NEK10: variants seen among roughly 807,000 people sequenced by gnomAD.
The protein encoded by NEK10 is NIMA related kinase 10.
NEK10 carries 122 observed loss-of-function variants against 159.8 expected under a neutral mutation model. That is an observed-to-expected ratio of 0.76 (90% CI 0.66 to 0.89). The LOEUF is 0.89. NEK10 is among the 40% of genes least tolerant of loss of function. The pLI is 0.00. For synonymous variants in NEK10, 466 were observed against 457.1 expected (o/e 1.02, Z -0.25); for missense variants, 1,342 against 1,323.1 (o/e 1.01, Z -0.22).
At chr3:27,337,535 C>T (rs2046898356) in intron 5 of NEK10, among the ~76,000 whole-genome samples, 1 of 152,100 alleles carries the variant, frequency 6.6e-6, no homozygotes, top group African/African-American at 2.4e-5. Context: ...CATCACACTA[C>T]CTGACTTCAA....
Position 27,174,911 on chromosome 3 carries a change from A to G in NEK10, c.2506-78T>C. On this transcript the variant is annotated intron_variant, in intron 26 of 35. Transcript: ENST00000691995. The stretch of plus-strand genomic sequence containing the variant: ...TAGGACCTAAATCTTGTTAGAACAT[A>G]TATTAACTGCTTCAAATATCAATAT... The G allele has an allele frequency of 2.6e-6, 3 of 1,171,854 alleles. No homozygotes were observed. The South Asian group carries it at 4.7e-5, about 18-fold the overall frequency. 72.6% of individuals were successfully genotyped at this position (1,171,854 alleles called of 1,614,324 possible).
Position 27,286,311 on chromosome 3 carries a change from T to C in NEK10, c.1790-1350A>G, listed in dbSNP as rs139943301. Reference sequence around the variant, plus strand: ...CCGTGTTAGCCAGGATGGTCTCGATTTCCTGACCTCGTGATCGGCCCATCT... The same window carrying C: ...CCGTGTTAGCCAGGATGGTCTCGATCTCCTGACCTCGTGATCGGCCCATCT... On this transcript the variant is annotated intron_variant, in intron 20 of 35. Transcript: ENST00000691995. Among the ~76,000 whole-genome samples the C allele has an allele frequency of 4.5e-3, 676 of 151,562 alleles. 2 individuals are homozygous for C. The highest frequency in any genetic ancestry group is 0.015 in the African/African-American group (620 of 41,324).
intron 32 of NEK10, among the ~76,000 whole-genome samples, chr3:27,122,856 G>A (rs1296077168): frequency 6.6e-6 from 1 of 152,050 alleles, no homozygotes; most frequent in Non-Finnish European, 1.5e-5. Context: ...CATCTTTCAG[G>A]GTTCATCTCA....
intron 20 of NEK10, among the ~76,000 whole-genome samples, chr3:27,286,688 C>T (rs1188874088): frequency 6.6e-6 from 1 of 151,918 alleles, no homozygotes; most frequent in Non-Finnish European, 1.5e-5. Flanking sequence ...CCGTGCCCGG[C>T]CGCCATTTCC....
intron 3 of NEK10, among the ~76,000 whole-genome samples, chr3:27,352,197 A>C (rs1274900047): frequency 6.6e-6 from 1 of 152,198 alleles, no homozygotes; most frequent in Non-Finnish European, 1.5e-5. Context: ...GTTTGTTTAC[A>C]GACCGAAGAG....
intron 26 of NEK10, among the ~76,000 whole-genome samples, chr3:27,175,897 A>G (rs560626263): frequency 6.6e-6 from 1 of 152,190 alleles, no homozygotes; most frequent in Non-Finnish European, 1.5e-5. Context: ...ATTACCTAGC[A>G]CTTCTTGACT....
intron 5 of NEK10, 93 bp downstream of exon 5, chr3:27,344,179 A>G: frequency 1.5e-6 from 1 of 656,596 alleles, no homozygotes; most frequent in Non-Finnish European, 2.7e-6. Flanking sequence ...GACATGTTCA[A>G]TCCTGTAAGA....
chr3:27,352,868 A>G lies in NEK10; in HGVS notation c.15T>C (p.Asp5=). 1.2e-6 allele frequency: 2 copies of G among 1,608,368 alleles called. No individual in the cohort carries two copies. Among genetic ancestry groups the G allele is most frequent in the Non-Finnish European group, 1.7e-6 (2 of 1,175,318 alleles). MPDQ[D]KKVKTTEKST... ...ATTTTTCTGTGGTCTTCACCTTTTT[A>G]TCTTGATCAGGCATTGTAAAACATC... The change falls in exon 2 of 36, where the codon GAT becomes GAC. Residue 5 remains aspartate (D), a synonymous_variant. Coordinates refer to ENST00000691995, the MANE Select transcript of NEK10 (RefSeq NM_001394966.1).
At chr3:27,227,053 TA>T (rs1300041392) in intron 23 of NEK10, among the ~76,000 whole-genome samples, 1 of 152,250 alleles carries the variant, frequency 6.6e-6, no homozygotes, top group African/African-American at 2.4e-5. Flanking sequence ...TTCATTCATT[TA>T]TTCATTCATT....
chr3:27,313,595 C>A (rs2044885480), intron 7 of NEK10, among the ~76,000 whole-genome samples: 1 of 152,110 alleles, frequency 6.6e-6, no homozygotes, highest in Admixed American at 6.6e-5. Context: ...CATTTTGAGA[C>A]CAGCCTAGGC....
Position 27,308,698 on chromosome 3 carries a change from T to C in NEK10, c.716+228A>G, listed in dbSNP as rs532597214. On this transcript the variant is annotated intron_variant, in intron 10 of 35. Transcript: ENST00000691995. ...CTGAGGGTTAGATGAAAAGACTAAATATTTCCAGTCAGGAAATAAAAAGAA... is the reference window on the plus strand; with the variant it reads ...CTGAGGGTTAGATGAAAAGACTAAACATTTCCAGTCAGGAAATAAAAAGAA... Among the ~76,000 whole-genome samples the C allele has an allele frequency of 3.3e-5, 5 of 152,306 alleles. No individual in the cohort carries two copies. The South Asian group carries it at 8.3e-4, about 25-fold the overall frequency.
At chr3:27,321,165 T>TAA (rs11456881) in intron 6 of NEK10, among the ~76,000 whole-genome samples, 131 of 147,340 alleles carry the variant, frequency 8.9e-4, no homozygotes, top group African/African-American at 1.8e-3. Context: ...CTTTTTCAGT[T>TAA]AAAAAAAAAA....
chr3:27,169,069 A>G (rs1946724364), intron 29 of NEK10, among the ~76,000 whole-genome samples: 2 of 152,142 alleles, frequency 1.3e-5, no homozygotes, highest in Non-Finnish European at 2.9e-5. Flanking sequence ...AAATAAGACA[A>G]TTTTCCATGG....
chr3:27,177,493 C>T (rs1011894108), intron 26 of NEK10, among the ~76,000 whole-genome samples: 1 of 151,572 alleles, frequency 6.6e-6, no homozygotes, highest in Non-Finnish European at 1.5e-5. Context: ...TGCAGTGAGC[C>T]GAGATTGTGC....
intron 26 of NEK10, among the ~76,000 whole-genome samples, chr3:27,177,734 T>C (rs536704767): frequency 3.3e-5 from 5 of 152,142 alleles, no homozygotes; most frequent in Admixed American, 1.3e-4. Flanking sequence ...CTTGAAGAAC[T>C]GGGGGCACTT....
intron 23 of NEK10, among the ~76,000 whole-genome samples, chr3:27,232,563 C>A (rs1039956315): frequency 6.6e-6 from 1 of 150,540 alleles, no homozygotes; most frequent in African/African-American, 2.4e-5. Flanking sequence ...GAAAAAAAAT[C>A]CTAAAATTCA....
intron 3 of NEK10, among the ~76,000 whole-genome samples, chr3:27,346,645 G>T (rs910058161): frequency 6.6e-6 from 1 of 152,086 alleles, no homozygotes; most frequent in African/African-American, 2.4e-5. Flanking sequence ...AGAGCTCCTG[G>T]ATCCAGGTAG....
chr3:27,253,037 G>C, intron 23 of NEK10: 2 of 388,708 alleles, frequency 5.1e-6, no homozygotes, highest in South Asian at 3.9e-5. Flanking sequence ...AATTTAAGAA[G>C]TGCAGTTAAT....
At chr3:27,121,334 G>A (rs1001961980) in intron 32 of NEK10, among the ~76,000 whole-genome samples, 2 of 152,152 alleles carry the variant, frequency 1.3e-5, no homozygotes, top group African/African-American at 4.8e-5. Flanking sequence ...AATACATAGT[G>A]TATGACTTCA....
Sources: allele counts gnomAD v4.1 joint callset (sites outside exome capture counted in the v4.1 genomes callset), GRCh38; gene constraint gnomAD v4.1.1; transcripts MANE v1.5; gene names NCBI Gene and HGNC (gene_info 2026-07-23, HGNC 2026-07-21).